PRR5: variants seen among roughly 807,000 people sequenced by gnomAD.
The protein encoded by PRR5 is proline-rich protein 5.
Under a neutral mutation model 30.6 loss-of-function variants are expected in PRR5, and 25 were observed. The observed-to-expected ratio is 0.82, with a 90% CI of 0.60 to 1.14. PRR5 has a LOEUF of 1.14. Ranked by LOEUF, PRR5 falls within the 50% of genes most tolerant of loss-of-function variation. The probability of loss-of-function intolerance (pLI) is 0.00; values close to 1 mark genes in which losing one functional copy is unlikely to be tolerated. For synonymous variants in PRR5, 286 were observed against 247.1 expected, an observed-to-expected ratio of 1.16 and a Z score of -1.48; for missense variants, 600 against 547.1, an observed-to-expected ratio of 1.10 and a Z score of -0.96.
Position 44,736,774 on chromosome 22 carries a change from A to C in PRR5, c.694A>C (p.Lys232Gln). The change falls in exon 8 of 8, where the codon AAG becomes CAG. Residue 232 changes from lysine (K) to glutamine (Q), a missense_variant and splice_region_variant. By Grantham distance (53) the Lys-to-Gln change is moderately conservative. Transcript: ENST00000336985. ...ACAGTGCCCGTGTCTCTCCCCAGAA[A>C]AGCGCCTCCTCCGCCGCTCCCGCTC... ...GPFTHSCILEKRLLRRSRSGD... is the reference protein window; with the variant it reads ...GPFTHSCILEQRLLRRSRSGD... 1 of 1,537,064 alleles carries C rather than the reference A, an allele frequency of 6.5e-7. No homozygotes were observed. The highest frequency in any genetic ancestry group is 8.8e-7 in the Non-Finnish European group (1 of 1,138,536).
Position 44,728,974 on chromosome 22 carries a change from G to A in PRR5, c.322+2340G>A, listed in dbSNP as rs140460752. On this transcript the variant is annotated intron_variant, in intron 4 of 7. Coordinates refer to ENST00000336985, the MANE Select transcript of PRR5 (RefSeq NM_181333.4). Reference sequence around the variant, plus strand: ...GGAAGACTGGACCGCGGCCGGGGTTGTAGTTTGATGGCCTGTGTGTGGCTT... The same window carrying A: ...GGAAGACTGGACCGCGGCCGGGGTTATAGTTTGATGGCCTGTGTGTGGCTT... Among the ~76,000 whole-genome samples the A allele has an allele frequency of 4.4e-4, 67 of 152,338 alleles. No individual in the cohort carries two copies. In the South Asian group the frequency reaches 7.7e-3, roughly 17 times the overall value.
chr22:44,689,431 C>T (rs1824693144), intron 1 of PRR5, among the ~76,000 whole-genome samples: 2 of 152,222 alleles, frequency 1.3e-5, no homozygotes, highest in Non-Finnish European at 2.9e-5. Flanking sequence ...ATCTGGGCGG[C>T]AAGTGGGAAC....
At chr22:44,706,189 G>A (rs369036542) in intron 1 of PRR5, among the ~76,000 whole-genome samples, 11 of 152,284 alleles carry the variant, frequency 7.2e-5, no homozygotes, top group African/African-American at 2.2e-4. Context: ...ATTAAATACC[G>A]CTGCAAAGAC....
chr22:44,711,615 G>A (rs923332473), intron 1 of PRR5, among the ~76,000 whole-genome samples: 3 of 152,184 alleles, frequency 2.0e-5, no homozygotes, highest in Non-Finnish European at 4.4e-5. Context: ...GGCCCACTGC[G>A]AGCCTTGGAG....
intron 1 of PRR5, among the ~76,000 whole-genome samples, chr22:44,705,882 C>A (rs991323129): frequency 3.3e-5 from 5 of 152,266 alleles, no homozygotes; most frequent in African/African-American, 9.6e-5. Context: ...TCTCCGCCCC[C>A]ACAGGTTCAA....
chr22:44,681,608 G>T (rs1924292255), intron 1 of PRR5, among the ~76,000 whole-genome samples: 1 of 149,956 alleles, frequency 6.7e-6, no homozygotes, highest in South Asian at 2.1e-4. Context: ...AAAAAAAAAA[G>T]TCTGAGAAAC....
Position 44,677,447 on chromosome 22 carries a change from T to A in PRR5, c.-11+207T>A, listed in dbSNP as rs80340112. ...GGACTAGGGTGTCTGTCCGCCCTGA[T>A]GTGACACAGTGCTGTGACTTTGGGT... On this transcript the variant is annotated intron_variant, in intron 1 of 8. Transcript: ENST00000006251. Among the ~76,000 whole-genome samples, 306 of 152,358 alleles carry A rather than the reference T, an allele frequency of 2.0e-3. 2 individuals are homozygous for A. Among genetic ancestry groups the A allele is most frequent in the African/African-American group, 7.1e-3 (294 of 41,590 alleles).
chr22:44,731,508 C>T (rs1921957574), intron 4 of PRR5: 1 of 587,226 alleles, frequency 1.7e-6, no homozygotes, highest in Non-Finnish European at 3.0e-6. Context: ...GAGGCCAATC[C>T]CTTTACTGCC....
intron 2 of PRR5, among the ~76,000 whole-genome samples, chr22:44,715,282 C>T (rs1928889166): frequency 6.6e-6 from 1 of 152,202 alleles, no homozygotes; most frequent in Non-Finnish European, 1.5e-5. Flanking sequence ...CCAGATCACA[C>T]AGCTGCTCCA....
intron 1 of PRR5, among the ~76,000 whole-genome samples, chr22:44,713,046 A>G (rs117425517): frequency 4.5e-4 from 68 of 152,254 alleles, no homozygotes; most frequent in Non-Finnish European, 6.9e-4. Flanking sequence ...TAAGACCCAG[A>G]GATGTGGCGC....
intron 1 of PRR5, among the ~76,000 whole-genome samples, chr22:44,671,180 C>A (rs935904385): frequency 6.6e-6 from 1 of 152,148 alleles, no homozygotes; most frequent in Non-Finnish European, 1.5e-5. Flanking sequence ...TGCTTCAAGA[C>A]CCTCATCCTG....
intron 1 of PRR5, among the ~76,000 whole-genome samples, chr22:44,692,148 C>T (rs1288267771): frequency 1.3e-5 from 2 of 152,012 alleles, no homozygotes; most frequent in Non-Finnish European, 2.9e-5. Flanking sequence ...CTACACCAAG[C>T]CCACACCCGT....
At chr22:44,692,533 T>C (rs1925370303) in intron 1 of PRR5, among the ~76,000 whole-genome samples, 1 of 94,830 alleles carries the variant, frequency 1.1e-5, no homozygotes. Flanking sequence ...GGGCTCCTCC[T>C]CCCGGGGGCT....
At chr22:44,725,394 A>G in intron 3 of PRR5, 102 bp downstream of exon 3, 3 of 1,521,900 alleles carry the variant, frequency 2.0e-6, no homozygotes, top group Middle Eastern at 1.9e-4. Context: ...CGGCTCCCCC[A>G]CTGTCTGCCT....
intron 1 of PRR5, among the ~76,000 whole-genome samples, chr22:44,704,219 C>T (rs1438219908): frequency 6.6e-6 from 1 of 152,214 alleles, no homozygotes; most frequent in Non-Finnish European, 1.5e-5. Context: ...CGGGGTGTCC[C>T]TGTAGGGATG....
chr22:44,673,588 C>T (rs575695651), upstream of PRR5, among the ~76,000 whole-genome samples: 3 of 152,174 alleles, frequency 2.0e-5, no homozygotes, highest in South Asian at 2.1e-4. Context: ...GAAAGCCATC[C>T]GTTGTGGCCA....
chr22:44,724,643 A>G (rs1056171995), intron 2 of PRR5, among the ~76,000 whole-genome samples: 2 of 152,062 alleles, frequency 1.3e-5, no homozygotes, highest in Non-Finnish European at 2.9e-5. Flanking sequence ...AGGAATTGTC[A>G]GTGTTGAGTG....
intron 2 of PRR5, among the ~76,000 whole-genome samples, chr22:44,721,186 G>A (rs998828688): frequency 6.6e-6 from 1 of 152,184 alleles, no homozygotes; most frequent in African/African-American, 2.4e-5. Flanking sequence ...AGCAAGGAAA[G>A]AATTAAGGAA....
intron 1 of PRR5, among the ~76,000 whole-genome samples, chr22:44,694,421 T>C (rs900633719): frequency 6.6e-6 from 1 of 152,176 alleles, no homozygotes; most frequent in Non-Finnish European, 1.5e-5. Flanking sequence ...GCCTCCCAGC[T>C]ACACGGGAGG....
Sources: gnomAD v4.1 joint callset for allele counts (sites outside exome capture counted in the v4.1 genomes callset) on GRCh38, gnomAD v4.1.1 for gene constraint, MANE v1.5 for transcripts, NCBI Gene and HGNC (gene_info 2026-07-23, HGNC 2026-07-21) for gene names.